The following TMBIM6 variants were observed in gnomAD, a reference collection of about 807,000 sequenced individuals.
TMBIM6 encodes the protein transmembrane BAX inhibitor motif containing 6.
Under a neutral mutation model 31.4 loss-of-function variants are expected in TMBIM6, and 13 were observed. That is an observed-to-expected ratio of 0.41 (90% CI 0.27 to 0.66). The LOEUF (loss-of-function observed/expected upper bound fraction) is 0.66, where lower values mean the gene tolerates loss of function less well. TMBIM6 is among the 30% of genes least tolerant of loss of function. TMBIM6 has a pLI of 0.28. For missense variants in TMBIM6, 275 were observed against 289.5 expected (o/e 0.95, Z 0.36); for synonymous variants, 85 against 101.7 (o/e 0.84, Z 0.99).
chr12:49,751,715 T>A (rs928809765), intron 1 of TMBIM6, among the ~76,000 whole-genome samples: 1 of 151,624 alleles, frequency 6.6e-6, no homozygotes, highest in Non-Finnish European at 1.5e-5. Context: ...TTAAGACTAG[T>A]CAAAGTTTTG....
chr12:49,745,085 A>G (rs1169574278), intron 1 of TMBIM6, among the ~76,000 whole-genome samples: 1 of 152,160 alleles, frequency 6.6e-6, no homozygotes, highest in African/African-American at 2.4e-5. Flanking sequence ...AGGCGGGGAC[A>G]TCTAGGGTGT....
At chr12:49,741,941 C>T (rs1288704580) in intron 1 of TMBIM6, 13 of 793,658 alleles carry the variant, frequency 1.6e-5, no homozygotes, top group East Asian at 2.9e-5. Flanking sequence ...CGCTCCTTCT[C>T]CTCTACTAAG....
intron 8 of TMBIM6, among the ~76,000 whole-genome samples, chr12:49,760,786 C>T (rs559182557): frequency 1.6e-4 from 25 of 151,806 alleles, no homozygotes; most frequent in African/African-American, 6.0e-4. Flanking sequence ...AAGCAATCTG[C>T]CTTCCTCAGC....
chr12:49,744,181 TAAAAGTTATA>T (rs1945349351), intron 1 of TMBIM6, among the ~76,000 whole-genome samples: 1 of 152,186 alleles, frequency 6.6e-6, no homozygotes, highest in Non-Finnish European at 1.5e-5. Flanking sequence ...AAAAGCACCT[TAAAAGTTATA>T]AATTTTATAT....
chr12:49,762,304 G>C (rs952014330), intron 9 of TMBIM6, among the ~76,000 whole-genome samples: 5 of 152,176 alleles, frequency 3.3e-5, no homozygotes, highest in Non-Finnish European at 5.9e-5. Context: ...TGCTGGCTCT[G>C]TCTGGGCTAT....
In TMBIM6 at chr12:49,760,533, C is replaced by CTTT. The variant is rs35862867; in HGVS notation, c.615-1150_615-1148dup. 7.5e-3 allele frequency among the ~76,000 whole-genome samples: 699 copies of CTTT among 93,194 alleles called. 2 individuals are homozygous for CTTT. The highest frequency in any genetic ancestry group is 0.021 in the Middle Eastern group (3 of 142). 61.1% of individuals were successfully genotyped at this position (93,194 alleles called of 152,430 possible). On this transcript the variant is annotated intron_variant, in intron 8 of 9. Coordinates refer to ENST00000267115, the MANE Select transcript of TMBIM6 (RefSeq NM_003217.3). Reference sequence around the variant, plus strand: ...AGGCTTAAGCCACCATGCCCAGCCACTTTTTTTTTTTTTTTTTTTTTTTGA... The same window carrying CTTT: ...AGGCTTAAGCCACCATGCCCAGCCACTTTTTTTTTTTTTTTTTTTTTTTTTTGA...
intron 1 of TMBIM6, among the ~76,000 whole-genome samples, chr12:49,748,873 A>G (rs1351487205): frequency 1.3e-5 from 2 of 152,088 alleles, no homozygotes; most frequent in Non-Finnish European, 2.9e-5. Context: ...GTGGTAAACT[A>G]TAACATTTTA....
intron 1 of TMBIM6, among the ~76,000 whole-genome samples, chr12:49,752,183 T>G (rs1238798798): frequency 1.3e-5 from 2 of 152,218 alleles, no homozygotes; most frequent in African/African-American, 2.4e-5. Flanking sequence ...TACTGCCTTT[T>G]AAAGTGGCAA....
At chr12:49,742,301 T>C in intron 1 of TMBIM6, 1 of 1,561,528 alleles carries the variant, frequency 6.4e-7, no homozygotes, top group Non-Finnish European at 8.6e-7. Flanking sequence ...TTTGCTTTGC[T>C]TGGTCTTGAG....
In TMBIM6 at chr12:49,756,440, C is replaced by CTTT. The variant is rs1194535783; in HGVS notation, c.286+705_286+707dup. On this transcript the variant is annotated intron_variant, in intron 4 of 9. Transcript: ENST00000267115. ...TGAGCCATAGTACCCTGCCTCCTGGCTTTTTTTTTTTTTTTTTTTTTTAAG... is the reference window on the plus strand; with the variant it reads ...TGAGCCATAGTACCCTGCCTCCTGGCTTTTTTTTTTTTTTTTTTTTTTTTTAAG... Among the ~76,000 whole-genome samples the CTTT allele has an allele frequency of 2.5e-3, 263 of 105,798 alleles. 2 individuals are homozygous for CTTT. Among genetic ancestry groups the CTTT allele is most frequent in the Non-Finnish European group, 3.3e-3 (178 of 53,606 alleles). The allele number at this position is 105,798 out of a possible 152,430, so 69.4% of individuals were successfully genotyped here.
intron 1 of TMBIM6, among the ~76,000 whole-genome samples, chr12:49,747,970 C>T (rs536971468): frequency 1.3e-5 from 2 of 152,272 alleles, no homozygotes; most frequent in African/African-American, 4.8e-5. Flanking sequence ...ATGGCGTGAT[C>T]TCAGTTCACT....
Position 49,764,718 on chromosome 12 carries a change from A to AAG in TMBIM6, c.*1823_*1824insGA, listed in dbSNP as rs1555144764. The AAG allele has an allele frequency of 7.1e-6, 1 of 140,966 alleles. No homozygotes were observed. Among genetic ancestry groups the AAG allele is most frequent in the East Asian group, 1.9e-4 (1 of 5,174 alleles). 8.7% of individuals were successfully genotyped at this position (140,966 alleles called of 1,614,324 possible). A position where few individuals can be genotyped will look rare whatever the true frequency, so the allele number is the denominator to read the frequency against. ...CAAGAATGACAAGATATTAAAAAAAAAAAAGAAAGAAAAAAAAAAAAACAC... is the reference window on the plus strand; with the variant it reads ...CAAGAATGACAAGATATTAAAAAAAAAGAAAAGAAAGAAAAAAAAAAAAACAC... On this transcript the variant is annotated 3_prime_UTR_variant, in exon 10 of 10. Transcript: ENST00000267115.
chr12:49,741,965 C>T (rs1945303152), intron 1 of TMBIM6: 3 of 953,514 alleles, frequency 3.1e-6, no homozygotes, highest in Admixed American at 2.7e-5. Flanking sequence ...AGACGCAGGG[C>T]CCCTTGGCCT....
intron 8 of TMBIM6, among the ~76,000 whole-genome samples, chr12:49,761,329 T>TA (rs1945715001): frequency 1.3e-5 from 2 of 152,182 alleles, no homozygotes; most frequent in Non-Finnish European, 2.9e-5. Context: ...TCCTCCCATC[T>TA]CAGCCTCCTC....
intron 9 of TMBIM6, among the ~76,000 whole-genome samples, chr12:49,762,666 C>A (rs1945741884): frequency 6.6e-6 from 1 of 152,148 alleles, no homozygotes; most frequent in African/African-American, 2.4e-5. Flanking sequence ...GCTGCTTAAC[C>A]TTTATTCTTG....
chr12:49,763,785 T>C lies in TMBIM6; in HGVS notation c.*889T>C, dbSNP rs1290541775. On this transcript the variant is annotated 3_prime_UTR_variant, in exon 10 of 10. Transcript: ENST00000267115. Reference sequence around the variant, plus strand: ...GGAATGGTTGAGCCTCTGGAGATCATTGTAACCAATCCTGCCAGACCTGTT... The same window carrying C: ...GGAATGGTTGAGCCTCTGGAGATCACTGTAACCAATCCTGCCAGACCTGTT... The C allele has an allele frequency of 6.6e-6, 1 of 152,180 alleles. No individual in the cohort carries two copies. The highest frequency in any genetic ancestry group is 1.5e-5 in the Non-Finnish European group (1 of 68,060). The allele number at this position is 152,180 out of a possible 1,614,324, so 9.4% of individuals were successfully genotyped here. A position where few individuals can be genotyped will look rare whatever the true frequency, so the allele number is the denominator to read the frequency against.
At chr12:49,761,997 G>T in intron 9 of TMBIM6, 1 of 503,108 alleles carries the variant, frequency 2.0e-6, no homozygotes, top group Non-Finnish European at 3.5e-6. Context: ...CGTTTAGTAT[G>T]AAAGGGAAAA....
intron 1 of TMBIM6, 90 bp downstream of exon 1, chr12:49,741,701 C>T (rs1945297158): frequency 9.8e-6 from 2 of 203,954 alleles, no homozygotes; most frequent in South Asian, 1.2e-4. Context: ...GCAGTAGCTT[C>T]CTTCTGCGGA....
In TMBIM6 at chr12:49,764,054, T is replaced by C. The variant is rs1592736409; in HGVS notation, c.*1158T>C. On this transcript the variant is annotated 3_prime_UTR_variant, in exon 10 of 10. Coordinates refer to ENST00000267115, the MANE Select transcript of TMBIM6 (RefSeq NM_003217.3). The stretch of plus-strand genomic sequence containing the variant: ...GTTCATTTTACTGATGCACTTTAGT[T>C]TTTGGTCTGTTACCTGTTTTCCAGA... 1 of 152,186 alleles carries C rather than the reference T, an allele frequency of 6.6e-6. No individual in the cohort carries two copies. The highest frequency in any genetic ancestry group is 6.5e-5 in the Admixed American group (1 of 15,280). The allele number at this position is 152,186 out of a possible 1,614,324, so 9.4% of individuals were successfully genotyped here.
Sources: gnomAD v4.1 joint callset for allele counts (sites outside exome capture counted in the v4.1 genomes callset) on GRCh38, gnomAD v4.1.1 for gene constraint, MANE v1.5 for transcripts, NCBI Gene and HGNC (gene_info 2026-07-23, HGNC 2026-07-21) for gene names.